The following GRIA4 variants were observed in gnomAD, a reference collection of about 807,000 sequenced individuals.
The protein encoded by GRIA4 is glutamate receptor 4.
A neutral mutation model predicts 104.0 loss-of-function variants in GRIA4; 34 were observed. That is an observed-to-expected ratio of 0.33 (90% CI 0.25 to 0.44). The LOEUF (loss-of-function observed/expected upper bound fraction) is 0.44, where lower values mean the gene tolerates loss of function less well. Ranked by LOEUF, GRIA4 falls within the 20% of genes least tolerant of loss-of-function variation. GRIA4 has a pLI of 1.00. For missense variants in GRIA4, 750 were observed against 1,096.5 expected (o/e 0.68, Z 4.46); for synonymous variants, 386 against 381.9 (o/e 1.01, Z -0.13).
intron 6 of GRIA4, among the ~76,000 whole-genome samples, chr11:105,888,533 G>A (rs1424213929): frequency 7.3e-5 from 11 of 151,602 alleles, no homozygotes; most frequent in East Asian, 3.9e-4. Context: ...TGATCCGCCC[G>A]CCTCGGCCTC....
chr11:105,767,876 C>T (rs1941024198), intron 4 of GRIA4, among the ~76,000 whole-genome samples: 1 of 152,064 alleles, frequency 6.6e-6, no homozygotes, highest in South Asian at 2.1e-4. Flanking sequence ...AAAATCTGTG[C>T]CCTTAACCAC....
intron 4 of GRIA4, among the ~76,000 whole-genome samples, chr11:105,817,268 T>C (rs1943416252): frequency 6.6e-6 from 1 of 150,816 alleles, no homozygotes; most frequent in African/African-American, 2.4e-5. Context: ...TAGTGAATTA[T>C]CACAAAAGCA....
chr11:105,702,235 A>G (rs1322017181), intron 3 of GRIA4, among the ~76,000 whole-genome samples: 1 of 151,936 alleles, frequency 6.6e-6, no homozygotes, highest in Admixed American at 6.6e-5. Context: ...CTAGTTGTTG[A>G]AGAGAAGCTA....
chr11:105,784,724 G>T (rs1398141749), intron 4 of GRIA4, among the ~76,000 whole-genome samples: 2 of 152,114 alleles, frequency 1.3e-5, no homozygotes, highest in African/African-American at 4.8e-5. Context: ...TGCATTCAAA[G>T]TTCTAAACCT....
chr11:105,942,260 A>G (rs1948200765), intron 14 of GRIA4, among the ~76,000 whole-genome samples: 1 of 152,042 alleles, frequency 6.6e-6, no homozygotes, highest in Admixed American at 6.6e-5. Flanking sequence ...CAAAAAAAAC[A>G]GTTCATTTCT....
intron 4 of GRIA4, among the ~76,000 whole-genome samples, chr11:105,820,748 G>A (rs1443110152): frequency 1.3e-5 from 2 of 151,958 alleles, no homozygotes; most frequent in East Asian, 3.9e-4. Flanking sequence ...CAATTTCACT[G>A]AATTTTAAGA....
At chr11:105,830,188 G>A (rs765140912) in intron 4 of GRIA4, among the ~76,000 whole-genome samples, 1 of 152,098 alleles carries the variant, frequency 6.6e-6, no homozygotes, top group South Asian at 2.1e-4. Flanking sequence ...TGGGCAGTGA[G>A]GTGACAGACT....
chr11:105,730,269 C>G (rs1480751479), intron 3 of GRIA4, among the ~76,000 whole-genome samples: 2 of 152,114 alleles, frequency 1.3e-5, no homozygotes, highest in African/African-American at 2.4e-5. Flanking sequence ...TGAGCTAACT[C>G]CCATTCACAA....
intron 4 of GRIA4, among the ~76,000 whole-genome samples, chr11:105,755,971 A>G (rs967758263): frequency 6.6e-6 from 1 of 152,130 alleles, no homozygotes; most frequent in Non-Finnish European, 1.5e-5. Context: ...GCTTAGACTA[A>G]AATTTCACCA....
chr11:105,895,319 T>C (rs1216458427), intron 6 of GRIA4, among the ~76,000 whole-genome samples: 1 of 151,932 alleles, frequency 6.6e-6, no homozygotes, highest in African/African-American at 2.4e-5. Context: ...CCTATGGCTT[T>C]ATTAATTCAC....
chr11:105,610,683 C>T (rs1950448019), intron 1 of GRIA4: 3 of 297,876 alleles, frequency 1.0e-5, no homozygotes, highest in East Asian at 7.2e-5. Context: ...TCCCTGCGAG[C>T]AGCCACTAGA....
chr11:105,818,765 C>T (rs1364539710), intron 4 of GRIA4, among the ~76,000 whole-genome samples: 1 of 152,136 alleles, frequency 6.6e-6, no homozygotes, highest in Non-Finnish European at 1.5e-5. Flanking sequence ...CACAGAAGGG[C>T]TTGAGCTAAT....
intron 5 of GRIA4, among the ~76,000 whole-genome samples, chr11:105,885,636 C>T (rs997029482): frequency 1.3e-5 from 2 of 152,196 alleles, no homozygotes; most frequent in African/African-American, 4.8e-5. Context: ...AGGGCAACAG[C>T]CCAATAAAAG....
chr11:105,876,228 G>T (rs1945815827), intron 5 of GRIA4, among the ~76,000 whole-genome samples: 1 of 152,148 alleles, frequency 6.6e-6, no homozygotes, highest in Non-Finnish European at 1.5e-5. Context: ...GGGGTTTTTA[G>T]TGAGTTTCTT....
intron 6 of GRIA4, among the ~76,000 whole-genome samples, chr11:105,891,360 A>G (rs1055882652): frequency 1.3e-5 from 2 of 152,112 alleles, no homozygotes; most frequent in South Asian, 2.1e-4. Context: ...CATTGCCCCA[A>G]TTTTTACCAC....
intron 3 of GRIA4, among the ~76,000 whole-genome samples, chr11:105,682,211 T>G (rs1179469005): frequency 6.6e-6 from 1 of 152,168 alleles, no homozygotes; most frequent in Non-Finnish European, 1.5e-5. Context: ...TGAATTAATA[T>G]CTTTATTTTA....
chr11:105,674,963 G>A (rs1461339950), intron 3 of GRIA4, among the ~76,000 whole-genome samples: 1 of 151,838 alleles, frequency 6.6e-6, no homozygotes, highest in Non-Finnish European at 1.5e-5. Context: ...AAGAATTGAA[G>A]CTATAAGTGC....
At chr11:105,685,305 C>T (rs775277864) in intron 3 of GRIA4, among the ~76,000 whole-genome samples, 7 of 152,124 alleles carry the variant, frequency 4.6e-5, no homozygotes, top group Non-Finnish European at 1.0e-4. Flanking sequence ...TGACACTTCA[C>T]CAAATTTAGA....
chr11:105,826,744 T>C (rs1336879490), intron 4 of GRIA4, among the ~76,000 whole-genome samples: 1 of 152,040 alleles, frequency 6.6e-6, no homozygotes, highest in African/African-American at 2.4e-5. Flanking sequence ...GAAAAACCTC[T>C]GCCTACACAG....
Sources: gnomAD v4.1 joint callset for allele counts (sites outside exome capture counted in the v4.1 genomes callset) on GRCh38, gnomAD v4.1.1 for gene constraint, MANE v1.5 for transcripts, NCBI Gene and HGNC (gene_info 2026-07-23, HGNC 2026-07-21) for gene names.